C6orf62: variants seen among roughly 807,000 people sequenced by gnomAD.
The protein encoded by C6orf62 is uncharacterized protein C6orf62.
In C6orf62, 16 loss-of-function variants were observed where a neutral mutation model predicts 26.8. The ratio of observed to expected loss-of-function variants is 0.60; its 90% CI spans 0.40 to 0.91. The LOEUF (loss-of-function observed/expected upper bound fraction) is 0.91, where lower values mean the gene tolerates loss of function less well. Among genes scored for constraint, C6orf62 ranks in the 40% least tolerant of loss-of-function variants. The pLI is 0.00. For missense variants in C6orf62, 192 were observed against 271.4 expected (o/e 0.71, Z 2.06); for synonymous variants, 112 against 91.5 (o/e 1.22, Z -1.28).
chr6:24,720,031 C>CAA, upstream of C6orf62: 1 of 1,490,466 alleles, frequency 6.7e-7, no homozygotes, highest in Non-Finnish European at 8.9e-7. Context: ...ACCCTCCCCC[C>CAA]AAAAAATTAA....
chr6:24,720,195 C>G (rs1779327519), upstream of C6orf62: 2 of 1,355,842 alleles, frequency 1.5e-6, no homozygotes, highest in South Asian at 3.7e-5. Context: ...TCCCTGTCCC[C>G]GCGGAGCCCG....
chr6:24,709,145 G>A (rs774558518), intron 3 of C6orf62: 19 of 965,542 alleles, frequency 2.0e-5, no homozygotes, highest in East Asian at 1.1e-4. Flanking sequence ...AATGCTCAAC[G>A]GTCACATGAC....
chr6:24,719,846 C>G, upstream of C6orf62: 2 of 1,548,010 alleles, frequency 1.3e-6, no homozygotes, highest in Admixed American at 3.9e-5. Flanking sequence ...TTGCCTTCAG[C>G]GGCAGCGACT....
chr6:24,709,550 G>C, intron 3 of C6orf62: 1 of 983,516 alleles, frequency 1.0e-6, no homozygotes, highest in Non-Finnish European at 1.2e-6. Context: ...GGACAGTTAA[G>C]AGGGTTAAAT....
intron 3 of C6orf62, among the ~76,000 whole-genome samples, chr6:24,712,578 A>T (rs187346689): frequency 1.3e-5 from 2 of 150,482 alleles, no homozygotes; most frequent in East Asian, 4.0e-4. Flanking sequence ...CTAAGGCAGG[A>T]GAATCATTTG....
rs989080625 is a variant in C6orf62, at chr6:24,710,577, T to G, written c.430-1666A>C. 100 of 983,724 alleles carry G rather than the reference T, an allele frequency of 1.0e-4. 1 individual carries two copies. Among genetic ancestry groups the G allele is most frequent in the South Asian group, 3.8e-4 (8 of 21,248 alleles). 60.9% of individuals were successfully genotyped at this position (983,724 alleles called of 1,614,324 possible). On this transcript the variant is annotated intron_variant, in intron 3 of 4. Transcript: ENST00000378119. Reference sequence around the variant, plus strand: ...CCGCGCCCGGCCCAAATTGGGTTCTTATCATCAAACCACTATAGGAGAAAA... The same window carrying G: ...CCGCGCCCGGCCCAAATTGGGTTCTGATCATCAAACCACTATAGGAGAAAA...
Position 24,718,887 on chromosome 6 carries a change from T to C in C6orf62, c.-219A>G. The stretch of plus-strand genomic sequence containing the variant: ...AAACAAAAGCTGCTGTCCAGTCATG[T>C]TTGGACAATAACGTTTGGGGTCAGA... On this transcript the variant is annotated 5_prime_UTR_variant, in exon 1 of 5. Coordinates refer to ENST00000378119, the MANE Select transcript of C6orf62 (RefSeq NM_030939.5). The C allele has an allele frequency of 7.4e-7, 1 of 1,360,052 alleles. No individual in the cohort carries two copies. Among genetic ancestry groups the C allele is most frequent in the Non-Finnish European group, 9.4e-7 (1 of 1,062,294 alleles). The allele number at this position is 1,360,052 out of a possible 1,614,324, so 84.2% of individuals were successfully genotyped here.
chr6:24,720,554 T>C (rs1158386191), upstream of C6orf62: 1 of 240,802 alleles, frequency 4.2e-6, no homozygotes, highest in Non-Finnish European at 6.8e-6. Context: ...GTTGGATTGG[T>C]ACTGGCGGCG....
chr6:24,713,614 A>C (rs984058427), intron 3 of C6orf62, among the ~76,000 whole-genome samples: 40 of 152,198 alleles, frequency 2.6e-4, no homozygotes, highest in Admixed American at 1.5e-3. Context: ...AATCGTGGCA[A>C]TCTATGCCAT....
chr6:24,711,887 C>A (rs758782470), intron 3 of C6orf62, among the ~76,000 whole-genome samples: 8 of 152,154 alleles, frequency 5.3e-5, no homozygotes, highest in Non-Finnish European at 1.2e-4. Flanking sequence ...CTACATCATA[C>A]TGCTTACACT....
chr6:24,709,053 C>G (rs544847041), intron 3 of C6orf62, 142 bp from the exon 4 acceptor site: 5 of 1,452,686 alleles, frequency 3.4e-6, no homozygotes, highest in African/African-American at 1.4e-5. Flanking sequence ...TTTGGCAAAC[C>G]CACAGCCAAT....
At chr6:24,707,758 C>T (rs113944636) in intron 4 of C6orf62, among the ~76,000 whole-genome samples, 5,725 of 151,972 alleles carry the variant, frequency 0.038, 327 homozygotes, top group African/African-American at 0.12. Flanking sequence ...AATCCCAGCA[C>T]TTTGGTAGGC....
intron 2 of C6orf62, 55 bp downstream of exon 2, chr6:24,716,093 A>T: frequency 6.7e-7 from 1 of 1,491,732 alleles, no homozygotes; most frequent in Non-Finnish European, 9.3e-7. Flanking sequence ...GGGCGGGGAA[A>T]TGCAAGGTTA....
chr6:24,712,442 G>T (rs1322657744), intron 3 of C6orf62, among the ~76,000 whole-genome samples: 2 of 151,926 alleles, frequency 1.3e-5, no homozygotes, highest in African/African-American at 4.8e-5. Flanking sequence ...AGGCCGAGGC[G>T]GGTGAATCAC....
upstream of C6orf62, chr6:24,719,882 T>C (rs939421637): frequency 5.2e-6 from 8 of 1,535,090 alleles, no homozygotes; most frequent in Middle Eastern, 3.4e-4. Flanking sequence ...AGACACAGGA[T>C]CACTCAGGTT....
At chr6:24,720,213 C>G, upstream of C6orf62, 3 of 1,347,622 alleles carry the variant, frequency 2.2e-6, no homozygotes, top group Non-Finnish European at 2.8e-6. Flanking sequence ...CCGGGACTCA[C>G]GGACCGACTC....
At chr6:24,713,673 G>C (rs1169702628) in intron 3 of C6orf62, among the ~76,000 whole-genome samples, 1 of 152,088 alleles carries the variant, frequency 6.6e-6, no homozygotes, top group Non-Finnish European at 1.5e-5. Flanking sequence ...AAAAAGGAAA[G>C]TTAGCTATAC....
At position 24,718,544 on chromosome 6, in the gene C6orf62, T is replaced by A; in HGVS notation, c.125A>T (p.Glu42Val). 6.2e-7 allele frequency: 1 copy of A among 1,602,468 alleles called. No homozygotes were observed. The highest frequency in any genetic ancestry group is 8.5e-7 in the Non-Finnish European group (1 of 1,173,142). Residue 42 changes from glutamate to valine, a missense_variant, in exon 1 of 5, where the codon GAG (glutamate) becomes GTG (valine). By Grantham distance (121) the Glu-to-Val change is moderately radical (BLOSUM62 -2). Transcript: ENST00000378119. ...FKMYIAFVFKEKKKKSALFEV... is the reference protein window; with the variant it reads ...FKMYIAFVFKVKKKKSALFEV... ...CCATTAAGAACTTTAAATTACCTTC[T>A]CCTTGAATACAAAGGCAATATACAT... is the stretch of plus-strand genomic sequence containing the variant.
chr6:24,708,496 C>T (rs1045243043), intron 4 of C6orf62, among the ~76,000 whole-genome samples: 6 of 152,116 alleles, frequency 3.9e-5, no homozygotes, highest in African/African-American at 1.4e-4. Flanking sequence ...CGCCACCATG[C>T]CTGGCTAGTT....
Sources: gnomAD v4.1 joint callset for allele counts (sites outside exome capture counted in the v4.1 genomes callset) on GRCh38, gnomAD v4.1.1 for gene constraint, MANE v1.5 for transcripts, NCBI Gene and HGNC (gene_info 2026-07-23, HGNC 2026-07-21) for gene names.